The following CELSR1 variants were observed in gnomAD, a reference collection of about 807,000 sequenced individuals.
CELSR1 encodes the protein cadherin EGF LAG seven-pass G-type receptor 1, also known as adhesion G protein-coupled receptor C1.
In CELSR1, 110 loss-of-function variants were observed where a neutral mutation model predicts 249.1. That is an observed-to-expected ratio of 0.44 (90% CI 0.38 to 0.52). The LOEUF (loss-of-function observed/expected upper bound fraction) is 0.52, where lower values mean the gene tolerates loss of function less well. Among genes scored for constraint, CELSR1 ranks in the 20% least tolerant of loss-of-function variants. The pLI is 0.00. For missense variants in CELSR1, 4,109 were observed against 4,296.4 expected, an observed-to-expected ratio of 0.96 and a Z score of 1.22; for synonymous variants, 2,113 against 1,900.0, an observed-to-expected ratio of 1.11 and a Z score of -2.92.
chr22:46,457,448 C>G (rs1279679223), intron 2 of CELSR1, among the ~76,000 whole-genome samples: 3 of 152,178 alleles, frequency 2.0e-5, no homozygotes, highest in African/African-American at 4.8e-5. Context: ...CTGGCGCACA[C>G]AGGAGGGGCA....
Position 46,464,326 on chromosome 22 carries a change from C to G in CELSR1, c.3564G>C (p.Thr1188=), listed in dbSNP as rs35475907. ...VSVSDGIHSV[T]AFCTLRVTII... is the part of the protein sequence containing the mutation. ...TGGTGACACGCAGGGTGCAGAAGGCCGTGACGCTGTGGATGCCATCTGCAG... is the reference window on the plus strand; with the variant it reads ...TGGTGACACGCAGGGTGCAGAAGGCGGTGACGCTGTGGATGCCATCTGCAG... The change falls in exon 2 of 35, where the codon ACG becomes ACC. Residue 1188 remains threonine (T), a synonymous_variant. Coordinates refer to ENST00000674500, the MANE Select transcript of CELSR1 (RefSeq NM_001378328.1). This position sits in a 1 kb window ranked among gnomAD's most constrained non-coding sequence, Gnocchi z 8.5. 1 of 1,610,614 alleles carries G rather than the reference C, an allele frequency of 6.2e-7. No individual in the cohort carries two copies. The highest frequency in any genetic ancestry group is 8.5e-7 in the Non-Finnish European group (1 of 1,178,448).
rs2080836779 is a variant in CELSR1, at chr22:46,535,081, T to C, written c.2090A>G (p.Asn697Ser). 1.9e-6 allele frequency: 3 copies of C among 1,612,310 alleles called. No homozygotes were observed. Among genetic ancestry groups the C allele is most frequent in the South Asian group, 2.2e-5 (2 of 91,078 alleles). Residue 697 changes from asparagine (N) to serine (S), a missense_variant, in exon 1 of 35, where the codon AAT becomes AGT. Physicochemically the swap from Asn to Ser is conservative, Grantham distance 46. Around this residue, in one of 7 missense-constraint regions of CELSR1, gnomAD observed 886 missense variants for 896.5 expected, o/e 0.99. Coordinates refer to ENST00000674500, the MANE Select transcript of CELSR1 (RefSeq NM_001378328.1). ...GCTGCTCCCCACGGCCGCATCCTCATTCAGACGAAGCTCGTAGGTGGGCTG... is the reference window on the plus strand; with the variant it reads ...GCTGCTCCCCACGGCCGCATCCTCACTCAGACGAAGCTCGTAGGTGGGCTG... ...FTQPTYELRL[N>S]EDAAVGSSVL...
rs2080820940 is a variant in CELSR1 at position 46,533,986 on chromosome 22, A to T, written c.3185T>A (p.Leu1062Gln). 6.2e-7 allele frequency: 1 copy of T among 1,613,518 alleles called. No homozygotes were observed. The highest frequency in any genetic ancestry group is 8.5e-7 in the Non-Finnish European group (1 of 1,180,040). ...LNGDLRAMVE[L>Q]DFEVRREYVL... is the part of the protein sequence containing the mutation. ...ATACTCCCGCCGGACCTCAAAGTCCAGCTCCACCATGGCACGCAGGTCCCC... is the reference window on the plus strand; with the variant it reads ...ATACTCCCGCCGGACCTCAAAGTCCTGCTCCACCATGGCACGCAGGTCCCC... Residue 1062 changes from leucine to glutamine, a missense_variant, in exon 1 of 35, where the codon CTG (leucine) becomes CAG (glutamine). Around this residue, in one of 7 missense-constraint regions of CELSR1, gnomAD observed 886 missense variants for 896.5 expected, o/e 0.99. Transcript: ENST00000674500.
chr22:46,365,503 T>G, intron 31 of CELSR1, 83 bp downstream of exon 31: 10 of 1,540,944 alleles, frequency 6.5e-6, no homozygotes, highest in Non-Finnish European at 8.8e-6. Context: ...CTGCTAGTGC[T>G]TCTTCAGGGG....
chr22:46,376,380 A>T (rs2078918244), intron 24 of CELSR1, among the ~76,000 whole-genome samples: 1 of 152,002 alleles, frequency 6.6e-6, no homozygotes, highest in African/African-American at 2.4e-5. Context: ...ATCTTAAATC[A>T]TTTTGTTTTG....
chr22:46,470,406 C>G (rs945320707), intron 1 of CELSR1, among the ~76,000 whole-genome samples: 2 of 151,878 alleles, frequency 1.3e-5, no homozygotes, highest in Non-Finnish European at 2.9e-5. Context: ...GCACTGGGGC[C>G]TTCCTGGGGG....
Position 46,367,837 on chromosome 22 carries a change from T to C in CELSR1, c.7971A>G (p.Ala2657=), listed in dbSNP as rs76868014. 4.6e-3 allele frequency: 7,367 copies of C among 1,611,162 alleles called. 282 individuals are homozygous for C. In the African/African-American group the frequency reaches 0.085, roughly 19 times the overall value. ...CGCTGATGAGCAGCAGCAGGAGGAA[T>C]GCGGTCCTCAGCAGGGAGCTGCGGG... The part of the protein sequence containing the change: ...KKGIVSLLRT[A]FLLLLLISAT... Residue 2657 remains alanine, a synonymous_variant, in exon 28 of 35, where the codon GCA becomes GCG. Transcript: ENST00000674500.
At chr22:46,371,214 G>A (rs148942255) in intron 25 of CELSR1, among the ~76,000 whole-genome samples, 2 of 152,256 alleles carry the variant, frequency 1.3e-5, no homozygotes, top group Non-Finnish European at 2.9e-5. Context: ...AGTCACATCA[G>A]AACACCCTAG....
At position 46,537,286 on chromosome 22, in the gene CELSR1, G is replaced by A. The variant is rs975165001; in HGVS notation, c.-116C>T. ...TCCCGGGCGCCCGGCCCTCGGGGCG[G>A]TCCGCGTCCCGCCTCCCCGGGGGCC... On this transcript the variant is annotated 5_prime_UTR_variant, in exon 1 of 35. Transcript: ENST00000674500. This position sits in a 1 kb window ranked among gnomAD's most constrained non-coding sequence, Gnocchi z 5.8. The A allele has an allele frequency of 1.2e-5, 12 of 990,494 alleles. No homozygotes were observed. Among genetic ancestry groups the A allele is most frequent in the Non-Finnish European group, 1.2e-5 (10 of 832,284 alleles). 61.4% of individuals were successfully genotyped at this position (990,494 alleles called of 1,614,324 possible).
At chr22:46,375,238 G>A (rs144621166) in intron 24 of CELSR1, among the ~76,000 whole-genome samples, 4 of 152,212 alleles carry the variant, frequency 2.6e-5, no homozygotes, top group Admixed American at 2.6e-4. Context: ...CTCCACCCAC[G>A]AGTTGGAGGC....
rs1020861687 is a variant in CELSR1 at position 46,512,328 on chromosome 22, T to C, written c.3544+21299A>G. Among the ~76,000 whole-genome samples, 1 of 152,106 alleles carries C rather than the reference T, an allele frequency of 6.6e-6. No individual in the cohort carries two copies. The highest frequency in any genetic ancestry group is 3.4e-3 in the Middle Eastern group (1 of 294). On this transcript the variant is annotated intron_variant, in intron 1 of 34. Coordinates refer to ENST00000674500, the MANE Select transcript of CELSR1 (RefSeq NM_001378328.1). This position sits in a 1 kb window ranked among gnomAD's most constrained non-coding sequence, Gnocchi z 5.2. Reference sequence around the variant, plus strand: ...GCACATGCCTGTAATCCCAGCACTTTGGGAGGCCAAGGCAGGCGGATCACA... The same window carrying C: ...GCACATGCCTGTAATCCCAGCACTTCGGGAGGCCAAGGCAGGCGGATCACA...
At chr22:46,480,418 C>A (rs1399891122) in intron 1 of CELSR1, among the ~76,000 whole-genome samples, 1 of 152,116 alleles carries the variant, frequency 6.6e-6, no homozygotes, top group East Asian at 1.9e-4. Context: ...TGATAAGGAA[C>A]CTTTCAAAGT....
intron 26 of CELSR1, 143 bp downstream of exon 26, chr22:46,369,548 CG>C: frequency 1.4e-6 from 1 of 699,396 alleles, no homozygotes; most frequent in Non-Finnish European, 2.4e-6. Context: ...AGGGCCCTGG[CG>C]GCTTTGCTGA....
At position 46,440,980 on chromosome 22, in the gene CELSR1, C is replaced by A. The variant is rs1400655594; in HGVS notation, c.4184-1569G>T. Among the ~76,000 whole-genome samples the A allele has an allele frequency of 6.6e-6, 1 of 151,962 alleles. No individual in the cohort carries two copies. Among genetic ancestry groups the A allele is most frequent in the East Asian group, 1.9e-4 (1 of 5,172 alleles). On this transcript the variant is annotated intron_variant, in intron 2 of 34. Coordinates refer to ENST00000674500, the MANE Select transcript of CELSR1 (RefSeq NM_001378328.1). This position sits in a 1 kb window ranked among gnomAD's most constrained non-coding sequence, Gnocchi z 4.7. The stretch of plus-strand genomic sequence containing the variant: ...CCAGCCTGGCCAACATGGTGAAACC[C>A]CGTCTCTACTAAAAATACAAAAATT...
In CELSR1 at chr22:46,365,590, G is replaced by C. The variant is rs367621773; in HGVS notation, c.8400C>G (p.Pro2800=). Residue 2800 remains proline, a synonymous_variant, in exon 31 of 35, where the codon CCC becomes CCG. Coordinates refer to ENST00000674500, the MANE Select transcript of CELSR1 (RefSeq NM_001378328.1). ...CCCCCTCCAGGGAAGCCATACCAGG[G>C]GGATCCTTGCAGCTCCTGGGCATGA... ...ASLMPRSCKD[P]PGHDSDSDSE... 1 of 1,588,398 alleles carries C rather than the reference G, an allele frequency of 6.3e-7. No individual in the cohort carries two copies. Among genetic ancestry groups the C allele is most frequent in the African/African-American group, 1.3e-5 (1 of 74,502 alleles).
rs149689667 is a variant in CELSR1 at position 46,463,778 on chromosome 22, G to A, written c.4112C>T (p.Pro1371Leu). The A allele has an allele frequency of 6.3e-6, 10 of 1,583,638 alleles. No homozygotes were observed. The highest frequency in any genetic ancestry group is 2.3e-5 in the South Asian group (2 of 86,640). ...ETEIDLCYSD[P>L]CGANGRCRSR... ...GCGGCAGCGGCCGTTGGCGCCGCAC[G>A]GGTCGGAGTAGCAGAGGTCGATCTC... Residue 1371 changes from proline (P) to leucine (L), a missense_variant, in exon 2 of 35, where the codon CCG becomes CTG. Physicochemically the swap from Pro to Leu is moderately conservative, Grantham distance 98 (BLOSUM62 -3). Coordinates refer to ENST00000674500, the MANE Select transcript of CELSR1 (RefSeq NM_001378328.1).
intron 2 of CELSR1, among the ~76,000 whole-genome samples, chr22:46,457,490 A>G (rs943635936): frequency 2.0e-5 from 3 of 152,196 alleles, no homozygotes; most frequent in Non-Finnish European, 4.4e-5. Context: ...ACATGAGGTG[A>G]GTGAAAGTGA....
intron 25 of CELSR1, 127 bp from the exon 26 acceptor site, chr22:46,369,931 G>T: frequency 1.3e-6 from 1 of 783,874 alleles, no homozygotes; most frequent in South Asian, 1.4e-5. Flanking sequence ...AAGGAGCAAG[G>T]AGTCCAGGGA....
intron 1 of CELSR1, among the ~76,000 whole-genome samples, chr22:46,501,367 G>A (rs1050637788): frequency 6.6e-6 from 1 of 152,054 alleles, no homozygotes; most frequent in Admixed American, 6.6e-5. Context: ...CACCACGCCG[G>A]GCTAATTTTT....
Sources: gnomAD v4.1 joint callset for allele counts (sites outside exome capture counted in the v4.1 genomes callset) on GRCh38, gnomAD v4.1.1 for gene constraint, gnomAD v4.1.1 regional missense constraint, Gnocchi (gnomAD v3.1) non-coding constraint, MANE v1.5 for transcripts, NCBI Gene and HGNC (gene_info 2026-07-23, HGNC 2026-07-21) for gene names.